TTLL7: variants seen among roughly 807,000 people sequenced by gnomAD.
TTLL7 encodes tubulin polyglutamylase TTLL7.
TTLL7 carries 53 observed loss-of-function variants against 120.2 expected under a neutral mutation model. The ratio of observed to expected loss-of-function variants is 0.44; its 90% CI spans 0.35 to 0.55. TTLL7 has a LOEUF of 0.55. Ranked by LOEUF, TTLL7 falls within the 20% of genes least tolerant of loss-of-function variation. The pLI, the probability that TTLL7 is intolerant of heterozygous loss-of-function variation, is 0.00. For synonymous variants in TTLL7, 353 were observed against 351.7 expected, an observed-to-expected ratio of 1.00 and a Z score of -0.04; for missense variants, 803 against 1,054.7, an observed-to-expected ratio of 0.76 and a Z score of 3.31.
At chr1:83,938,643 C>T (rs373103107) in intron 7 of TTLL7, among the ~76,000 whole-genome samples, 1 of 152,058 alleles carries the variant, frequency 6.6e-6, no homozygotes, top group Non-Finnish European at 1.5e-5. Flanking sequence ...TACTGGAGTT[C>T]TATGTTTTTG....
At chr1:83,878,631 A>G in intron 20 of TTLL7, among the ~76,000 whole-genome samples, 1 of 151,968 alleles carries the variant, frequency 6.6e-6, no homozygotes, top group East Asian at 1.9e-4. Flanking sequence ...CAGCTTTTCT[A>G]GTTATCATCA....
chr1:83,908,766 T>A (rs1183945018), intron 15 of TTLL7, among the ~76,000 whole-genome samples: 1 of 151,910 alleles, frequency 6.6e-6, no homozygotes, highest in Non-Finnish European at 1.5e-5. Context: ...AAAATTCACA[T>A]GAAGCCAGGT....
intron 12 of TTLL7, among the ~76,000 whole-genome samples, 197 bp downstream of exon 12, chr1:83,920,890 G>T (rs1658591204): frequency 6.6e-6 from 1 of 151,996 alleles, no homozygotes; most frequent in Non-Finnish European, 1.5e-5. Flanking sequence ...ACCACCCAGA[G>T]GCTGGCTAGC....
intron 7 of TTLL7, among the ~76,000 whole-genome samples, chr1:83,939,618 G>GT (rs1473973228): frequency 8.5e-5 from 13 of 152,104 alleles, no homozygotes; most frequent in African/African-American, 3.1e-4. Context: ...AGCCCACCCT[G>GT]TTTTTCAGCG....
chr1:83,929,352 G>A, intron 9 of TTLL7, 122 bp from the exon 10 acceptor site: 1 of 628,706 alleles, frequency 1.6e-6, no homozygotes, highest in Non-Finnish European at 2.7e-6. Flanking sequence ...GCTTTACATG[G>A]CAGATGGCCC....
rs1367343606 is a variant in TTLL7 at position 83,868,940 on chromosome 1, T to TA, written c.*1021dup. Reference sequence around the variant, plus strand: ...GTCTTCCATTTTATTTATTTATTTTTATCTTCTTTTTATTTATTTATTTAT... The same window carrying TA: ...GTCTTCCATTTTATTTATTTATTTTTAATCTTCTTTTTATTTATTTATTTAT... On this transcript the variant is annotated 3_prime_UTR_variant, in exon 21 of 21. Transcript: ENST00000260505. The TA allele has an allele frequency of 6.6e-6, 1 of 150,716 alleles. No individual in the cohort carries two copies. The highest frequency in any genetic ancestry group is 2.4e-5 in the African/African-American group (1 of 41,296). The allele number at this position is 150,716 out of a possible 1,614,324, so 9.3% of individuals were successfully genotyped here. A position where few individuals can be genotyped will look rare whatever the true frequency, so the allele number is the denominator to read the frequency against.
At chr1:83,916,728 G>GA (rs895858415) in intron 14 of TTLL7, among the ~76,000 whole-genome samples, 11 of 150,956 alleles carry the variant, frequency 7.3e-5, no homozygotes, top group African/African-American at 1.5e-4. Flanking sequence ...GGAATAGAAT[G>GA]AAAAAAAAAT....
At chr1:83,962,046 A>G (rs1650062443) in intron 1 of TTLL7, among the ~76,000 whole-genome samples, 1 of 152,100 alleles carries the variant, frequency 6.6e-6, no homozygotes, top group African/African-American at 2.4e-5. Context: ...TTTGATCACA[A>G]GGTTTAAAAG....
chr1:83,888,111 T>C (rs922203351), intron 19 of TTLL7, among the ~76,000 whole-genome samples: 4 of 151,986 alleles, frequency 2.6e-5, no homozygotes, highest in Non-Finnish European at 4.4e-5. Context: ...TGGGTATCTT[T>C]AGGGTCTGGT....
chr1:83,981,793 T>C (rs779799040), intron 1 of TTLL7, among the ~76,000 whole-genome samples: 125 of 149,022 alleles, frequency 8.4e-4, no homozygotes, highest in Non-Finnish European at 1.6e-3. Flanking sequence ...ATCGCACCAC[T>C]GCACTCCAGC....
chr1:83,932,912 C>A (rs765655625), intron 9 of TTLL7, among the ~76,000 whole-genome samples: 1 of 152,060 alleles, frequency 6.6e-6, no homozygotes, highest in Non-Finnish European at 1.5e-5. Context: ...TCTAAGGTTT[C>A]TTCTGGGTAA....
intron 1 of TTLL7, among the ~76,000 whole-genome samples, chr1:83,990,427 G>A (rs1331768184): frequency 6.6e-6 from 1 of 151,874 alleles, no homozygotes; most frequent in South Asian, 2.1e-4. Flanking sequence ...CACCCGCCTC[G>A]GCCTCCCAAA....
chr1:83,986,174 A>T (rs11163882), intron 1 of TTLL7, among the ~76,000 whole-genome samples: 3,665 of 152,316 alleles, frequency 0.024, 73 homozygotes, highest in African/African-American at 0.053. Flanking sequence ...TGCAAACTGA[A>T]TCTAACAATA....
Position 83,865,932 on chromosome 1 carries a change from A to C in TTLL7, c.*4030T>G, listed in dbSNP as rs1195339976. On this transcript the variant is annotated 3_prime_UTR_variant, in exon 21 of 21. Coordinates refer to ENST00000260505, the MANE Select transcript of TTLL7 (RefSeq NM_024686.6). Reference sequence around the variant, plus strand: ...ATTGTCATCATGAATATATTTCTAAATTTTTATTTATTTATAAGTCAACAT... The same window carrying C: ...ATTGTCATCATGAATATATTTCTAACTTTTTATTTATTTATAAGTCAACAT... The C allele has an allele frequency of 6.6e-6, 1 of 151,944 alleles. No homozygotes were observed. Among genetic ancestry groups the C allele is most frequent in the Non-Finnish European group, 1.5e-5 (1 of 67,834 alleles). 9.4% of individuals were successfully genotyped at this position (151,944 alleles called of 1,614,324 possible).
At chr1:83,882,789 TTAAAGG>T in intron 20 of TTLL7, 168 bp downstream of exon 20, 2 of 611,866 alleles carry the variant, frequency 3.3e-6, no homozygotes, top group Non-Finnish European at 5.4e-6. Context: ...GTTCAGTCCC[TTAAAGG>T]TAAATACTGT....
intron 3 of TTLL7, among the ~76,000 whole-genome samples, chr1:83,950,722 T>C (rs563145768): frequency 1.3e-5 from 2 of 152,074 alleles, no homozygotes; most frequent in African/African-American, 2.4e-5. Flanking sequence ...GAATCCTGAG[T>C]CTTAACAGAA....
chr1:83,905,297 A>C (rs550273069), intron 17 of TTLL7, among the ~76,000 whole-genome samples: 46 of 151,962 alleles, frequency 3.0e-4, no homozygotes, highest in African/African-American at 1.1e-3. Context: ...AAAATATATA[A>C]TAATTGGGGG....
chr1:83,905,604 T>C (rs1241862654), intron 17 of TTLL7, among the ~76,000 whole-genome samples: 2 of 150,958 alleles, frequency 1.3e-5, no homozygotes, highest in African/African-American at 2.4e-5. Flanking sequence ...TATTTTTATA[T>C]ATTTATAAAT....
intron 10 of TTLL7, among the ~76,000 whole-genome samples, chr1:83,922,003 G>C (rs984530469): frequency 2.6e-5 from 4 of 152,002 alleles, no homozygotes; most frequent in African/African-American, 9.7e-5. Context: ...GAAAAGTCCT[G>C]TTTTGGGATT....
Sources: allele counts gnomAD v4.1 joint callset (sites outside exome capture counted in the v4.1 genomes callset), GRCh38; gene constraint gnomAD v4.1.1; transcripts MANE v1.5; gene names NCBI Gene and HGNC (gene_info 2026-07-23, HGNC 2026-07-21).